Variants in ZNF804A observed in about 807,000 individuals in gnomAD.
The protein encoded by ZNF804A is zinc finger protein 804A.
ZNF804A carries 2 observed loss-of-function variants against 16.5 expected under a neutral mutation model. The observed-to-expected ratio is 0.12, with a 90% CI of 0.05 to 0.38. The LOEUF (loss-of-function observed/expected upper bound fraction) is 0.38. Among genes scored for constraint, ZNF804A ranks in the 10% least tolerant of loss-of-function variants. ZNF804A has a pLI of 0.99. For missense variants in ZNF804A, 1,473 were observed against 1,390.7 expected (o/e 1.06, Z -0.94); for synonymous variants, 534 against 489.6 (o/e 1.09, Z -1.20).
Position 184,616,011 on chromosome 2 carries a change from A to G in ZNF804A, c.111+16941A>G, listed in dbSNP as rs1691313451. ...TTGGTTCCTCAATAAGCCTGATTCAACAGGGTCACCTTTGAATCTGTCCTC... is the reference window on the plus strand; with the variant it reads ...TTGGTTCCTCAATAAGCCTGATTCAGCAGGGTCACCTTTGAATCTGTCCTC... On this transcript the variant is annotated intron_variant, in intron 1 of 3. Transcript: ENST00000302277. Among the ~76,000 whole-genome samples the G allele has an allele frequency of 2.0e-5, 3 of 152,232 alleles. No individual in the cohort carries two copies. In the South Asian group the frequency reaches 6.2e-4, roughly 31 times the overall value.
intron 1 of ZNF804A, among the ~76,000 whole-genome samples, chr2:184,786,874 A>T (rs1252958750): frequency 6.6e-6 from 1 of 151,976 alleles, no homozygotes; most frequent in Non-Finnish European, 1.5e-5. Context: ...AATTGTAATG[A>T]TGGTAGAGAG....
At chr2:184,703,746 A>C (rs753554130) in intron 1 of ZNF804A, among the ~76,000 whole-genome samples, 21 of 151,586 alleles carry the variant, frequency 1.4e-4, no homozygotes, top group Non-Finnish European at 2.5e-4. Context: ...TCAATGCAGG[A>C]AACATTTGTT....
intron 1 of ZNF804A, among the ~76,000 whole-genome samples, chr2:184,645,547 T>A (rs1691856907): frequency 6.6e-6 from 1 of 152,200 alleles, no homozygotes; most frequent in Admixed American, 6.5e-5. Flanking sequence ...GGGAAACTAG[T>A]TGATAATAAA....
chr2:184,867,941 C>A (rs904329257), intron 2 of ZNF804A, among the ~76,000 whole-genome samples: 5 of 152,018 alleles, frequency 3.3e-5, no homozygotes, highest in African/African-American at 1.2e-4. Context: ...ATAAGAATAT[C>A]TATTATCATT....
chr2:184,869,540 G>T (rs536739071), intron 2 of ZNF804A, among the ~76,000 whole-genome samples: 17 of 152,046 alleles, frequency 1.1e-4, no homozygotes, highest in Admixed American at 9.8e-4. Context: ...TTAAATGAGA[G>T]AATGCACATT....
intron 1 of ZNF804A, among the ~76,000 whole-genome samples, chr2:184,842,122 C>G (rs888804356): frequency 3.3e-5 from 5 of 152,310 alleles, no homozygotes; most frequent in South Asian, 2.1e-4. Flanking sequence ...TAAAATGCTT[C>G]TCTTTTCAAA....
intron 1 of ZNF804A, among the ~76,000 whole-genome samples, chr2:184,781,729 AC>A (rs776580162): frequency 8.6e-5 from 13 of 151,808 alleles, no homozygotes; most frequent in Non-Finnish European, 1.5e-4. Flanking sequence ...AGTAACTTCT[AC>A]TTTTTTGCAT....
intron 2 of ZNF804A, among the ~76,000 whole-genome samples, chr2:184,882,453 T>C (rs1035374044): frequency 1.3e-5 from 2 of 152,076 alleles, no homozygotes; most frequent in African/African-American, 4.8e-5. Context: ...TTTCACCAAA[T>C]GGACCCAACA....
At chr2:184,700,868 G>C (rs886488442) in intron 1 of ZNF804A, among the ~76,000 whole-genome samples, 1 of 151,952 alleles carries the variant, frequency 6.6e-6, no homozygotes, top group African/African-American at 2.4e-5. Context: ...GGGTGAAGAA[G>C]AAAGAGGAGT....
intron 1 of ZNF804A, among the ~76,000 whole-genome samples, chr2:184,822,836 A>C (rs1288656377): frequency 2.0e-5 from 3 of 152,160 alleles, no homozygotes; most frequent in Admixed American, 2.0e-4. Flanking sequence ...TATTTCAGAT[A>C]TTCAAAGTCT....
At chr2:184,924,261 CTGTT>C in intron 2 of ZNF804A, among the ~76,000 whole-genome samples, 1 of 151,832 alleles carries the variant, frequency 6.6e-6, no homozygotes, top group African/African-American at 2.4e-5. Flanking sequence ...TGTTACTGGT[CTGTT>C]TGAGTTTTGG....
chr2:184,751,500 C>T (rs1447802986), intron 1 of ZNF804A, among the ~76,000 whole-genome samples: 1 of 151,276 alleles, frequency 6.6e-6, no homozygotes, highest in Non-Finnish European at 1.5e-5. Flanking sequence ...GGTATCGAAA[C>T]TAAAAATAGG....
intron 1 of ZNF804A, among the ~76,000 whole-genome samples, chr2:184,620,325 T>C (rs1371751501): frequency 3.3e-5 from 5 of 151,838 alleles, no homozygotes; most frequent in Non-Finnish European, 7.4e-5. Flanking sequence ...TGCTTAATTT[T>C]CTGCTAAAAA....
intron 1 of ZNF804A, among the ~76,000 whole-genome samples, chr2:184,668,787 G>A (rs1692294083): frequency 6.6e-6 from 1 of 151,906 alleles, no homozygotes. Flanking sequence ...TATCTACAAG[G>A]TCAAAGAGGA....
At chr2:184,732,661 C>T (rs1450403370) in intron 1 of ZNF804A, among the ~76,000 whole-genome samples, 1 of 152,104 alleles carries the variant, frequency 6.6e-6, no homozygotes, top group Non-Finnish European at 1.5e-5. Flanking sequence ...CATCCATGAA[C>T]ATGGAATATA....
chr2:184,687,932 A>G (rs2127698), intron 1 of ZNF804A, among the ~76,000 whole-genome samples: 22,472 of 152,136 alleles, frequency 0.15, 1,802 homozygotes, highest in Middle Eastern at 0.23. Flanking sequence ...CAGCCTGACC[A>G]ATATGGTGAA....
At chr2:184,605,669 G>A (rs1405142169) in intron 1 of ZNF804A, among the ~76,000 whole-genome samples, 1 of 152,056 alleles carries the variant, frequency 6.6e-6, no homozygotes, top group African/African-American at 2.4e-5. Flanking sequence ...TAAAGAATAA[G>A]GGAGGATGTG....
intron 1 of ZNF804A, among the ~76,000 whole-genome samples, chr2:184,814,301 C>G (rs1053470025): frequency 6.6e-6 from 1 of 152,010 alleles, no homozygotes; most frequent in Non-Finnish European, 1.5e-5. Flanking sequence ...AAAAAAGTCT[C>G]TAGCCTGAGA....
At chr2:184,734,834 C>T (rs1202168362) in intron 1 of ZNF804A, among the ~76,000 whole-genome samples, 1 of 152,138 alleles carries the variant, frequency 6.6e-6, no homozygotes, top group Non-Finnish European at 1.5e-5. Context: ...CCTCGTATAA[C>T]ATGATGGTTT....
Sources: allele counts gnomAD v4.1 joint callset (sites outside exome capture counted in the v4.1 genomes callset), GRCh38; gene constraint gnomAD v4.1.1; transcripts MANE v1.5; gene names NCBI Gene and HGNC (gene_info 2026-07-23, HGNC 2026-07-21).